SH2B1: variants seen among roughly 807,000 people sequenced by gnomAD.
SH2B1 encodes the protein SH2B adapter protein 1.
Under a neutral mutation model 62.6 loss-of-function variants are expected in SH2B1, and 15 were observed. That is an observed-to-expected ratio of 0.24 (90% confidence interval 0.16 to 0.37). The LOEUF is 0.37. SH2B1 is among the 10% of genes least tolerant of loss of function. The probability of loss-of-function intolerance (pLI) is 1.00; values close to 1 mark genes in which losing one functional copy is unlikely to be tolerated. For synonymous variants in SH2B1, 443 were observed against 438.0 expected (o/e 1.01, Z -0.14); for missense variants, 925 against 1,015.6 (o/e 0.91, Z 1.21).
At chr16:28,861,231 C>G (rs1398048568), upstream of SH2B1, among the ~76,000 whole-genome samples, 5 of 152,084 alleles carry the variant, frequency 3.3e-5, no homozygotes, top group African/African-American at 1.2e-4. Flanking sequence ...CTCCCAGATT[C>G]AAGTGATTCT....
In SH2B1 at chr16:28,864,015, A is replaced by G; in HGVS notation, c.-2080A>G. 7.4e-7 allele frequency: 1 copy of G among 1,348,226 alleles called. No individual in the cohort carries two copies. The highest frequency in any genetic ancestry group is 9.6e-7 in the Non-Finnish European group (1 of 1,045,610). 83.5% of individuals were successfully genotyped at this position (1,348,226 alleles called of 1,614,324 possible). Reference sequence around the variant, plus strand: ...CTCCGCGACCCGGCCCTGGCGCCCGAGAGGATTCCTGGGTGGGGGTGGGCG... The same window carrying G: ...CTCCGCGACCCGGCCCTGGCGCCCGGGAGGATTCCTGGGTGGGGGTGGGCG... On this transcript the variant is annotated 5_prime_UTR_variant, in exon 1 of 8. Coordinates refer to ENST00000684370, the MANE Select transcript of SH2B1 (RefSeq NM_001387430.1).
intron 1 of SH2B1, among the ~76,000 whole-genome samples, chr16:28,856,345 A>C (rs976554203): frequency 7.3e-5 from 11 of 151,572 alleles, no homozygotes; most frequent in Non-Finnish European, 1.6e-4. Context: ...TTGTTGGAGG[A>C]TTTATTGAAT....
chr16:28,861,082 T>C (rs1196391867), upstream of SH2B1, among the ~76,000 whole-genome samples: 2 of 152,042 alleles, frequency 1.3e-5, no homozygotes, highest in African/African-American at 2.4e-5. Context: ...CCTCCCAAAG[T>C]GCTGGGATTG....
chr16:28,852,854 T>G (rs1232070163), intron 1 of SH2B1, among the ~76,000 whole-genome samples: 1 of 88,126 alleles, frequency 1.1e-5, no homozygotes, highest in Non-Finnish European at 2.0e-5. Flanking sequence ...ATATATATTT[T>G]TATATATATT....
chr16:28,864,481 G>A lies in SH2B1; in HGVS notation c.-1614G>A, dbSNP rs1052550956. On this transcript the variant is annotated 5_prime_UTR_variant, in exon 1 of 8. Transcript: ENST00000684370. ...GTGCTCCATGACTCCTGCATCTCCTGATTGTTTCTCGTTGGTTTGGAGTTG... is the reference window on the plus strand; with the variant it reads ...GTGCTCCATGACTCCTGCATCTCCTAATTGTTTCTCGTTGGTTTGGAGTTG... The A allele has an allele frequency of 3.2e-5, 32 of 985,828 alleles. No homozygotes were observed. In the African/African-American group the frequency reaches 4.9e-4, roughly 15 times the overall value. 61.1% of individuals were successfully genotyped at this position (985,828 alleles called of 1,614,324 possible).
In SH2B1 at chr16:28,869,221, A is replaced by T. The variant is rs756968357; in HGVS notation, c.1147A>T (p.Thr383Ser). 2 of 1,613,974 alleles carry T rather than the reference A, an allele frequency of 1.2e-6. No individual in the cohort carries two copies. Among genetic ancestry groups the T allele is most frequent in the Non-Finnish European group, 1.7e-6 (2 of 1,179,934 alleles). ...ECLSPGPCPA[T>S]SPRPMTLPLA... ...CTGTCTCTGCAGACCCTGCCCTGCT[A>T]CCAGTCCCCGCCCCATGACCCTCCC... Residue 383 changes from threonine to serine, a missense_variant, in exon 4 of 8, where the codon ACC becomes TCC. Thr to Ser is a moderately conservative substitution (Grantham distance 58). Around this residue, in one of 3 missense-constraint regions of SH2B1, gnomAD observed 683 missense variants for 704.0 expected, o/e 0.97. Transcript: ENST00000684370.
upstream of SH2B1, chr16:28,863,653 T>C: frequency 6.5e-7 from 1 of 1,530,720 alleles, no homozygotes; most frequent in Non-Finnish European, 8.8e-7. Context: ...CCGCTGCGTC[T>C]GTGGTCGCTT....
rs1388762495 is a variant in SH2B1 at position 28,851,192 on chromosome 16, C to A, written c.-301+4365C>A. Reference sequence around the variant, plus strand: ...TGTCTCAAAAAGAAAAAAAAAAAAACCAACCTATCCAAAACAGGACTCTCC... The same window carrying A: ...TGTCTCAAAAAGAAAAAAAAAAAAAACAACCTATCCAAAACAGGACTCTCC... On this transcript the variant is annotated intron_variant, in intron 1 of 10. Coordinates refer to the SH2B1 transcript ENST00000322610. 2.4e-3 allele frequency among the ~76,000 whole-genome samples: 294 copies of A among 123,112 alleles called. 6 individuals carry two copies. Among genetic ancestry groups the A allele is most frequent in the South Asian group, 0.017 (72 of 4,172 alleles). The allele number at this position is 123,112 out of a possible 152,430, so 80.8% of individuals were successfully genotyped here.
chr16:28,857,099 G>A (rs145565496), intron 1 of SH2B1, among the ~76,000 whole-genome samples: 2,876 of 152,082 alleles, frequency 0.019, 91 homozygotes, highest in African/African-American at 0.064. Flanking sequence ...CCTGGCCAAC[G>A]TGGTGGAACC....
Position 28,863,867 on chromosome 16 carries a change from T to G in SH2B1, c.-2228T>G, listed in dbSNP as rs1304793865. 3.9e-6 allele frequency: 6 copies of G among 1,522,576 alleles called. No homozygotes were observed. The highest frequency in any genetic ancestry group is 5.3e-6 in the Non-Finnish European group (6 of 1,140,612). The allele number at this position is 1,522,576 out of a possible 1,614,324, so 94.3% of individuals were successfully genotyped here. A position where few individuals can be genotyped will look rare whatever the true frequency, so the allele number is the denominator to read the frequency against. ...GGAACCGGGCTGGGCGCTCGTCGCG[T>G]AGTGGGTGGGGGCGCAGGGAGCGGG... On this transcript the variant is annotated 5_prime_UTR_variant, in exon 1 of 8. Transcript: ENST00000684370.
At chr16:28,848,668 C>CTTTTT (rs745489496) in intron 1 of SH2B1, among the ~76,000 whole-genome samples, 5 of 109,256 alleles carry the variant, frequency 4.6e-5, no homozygotes, top group African/African-American at 8.3e-5. Context: ...CCGCACTGTC[C>CTTTTT]TTTTTTTTTT....
rs1355443050 is a variant in SH2B1, at chr16:28,852,780, A to G, written c.-301+5953A>G. On this transcript the variant is annotated intron_variant, in intron 1 of 10. Coordinates refer to the SH2B1 transcript ENST00000322610. Reference sequence around the variant, plus strand: ...TATGTATATATATATTTATATATATATTTACATATATATTTACATATATAT... The same window carrying G: ...TATGTATATATATATTTATATATATGTTTACATATATATTTACATATATAT... Among the ~76,000 whole-genome samples, 32 of 73,948 alleles carry G rather than the reference A, an allele frequency of 4.3e-4. 5 individuals carry two copies. Among genetic ancestry groups the G allele is most frequent in the African/African-American group, 5.1e-5 (1 of 19,642 alleles). The allele number at this position is 73,948 out of a possible 152,430, so 48.5% of individuals were successfully genotyped here.
intron 1 of SH2B1, among the ~76,000 whole-genome samples, chr16:28,851,089 G>A (rs1049292659): frequency 2.0e-5 from 3 of 149,538 alleles, no homozygotes; most frequent in African/African-American, 7.4e-5. Flanking sequence ...TGGGAGACTC[G>A]CTCGAACCTG....
chr16:28,867,273 G>T (rs1234745253), intron 1 of SH2B1, 58 bp from the exon 2 acceptor site: 1 of 1,386,452 alleles, frequency 7.2e-7, no homozygotes, highest in Admixed American at 1.7e-5. Context: ...TCTGGAGGGA[G>T]GGGAAGAGTG....
chr16:28,865,827 G>A lies in SH2B1; in HGVS notation c.-268G>A. 1 of 1,255,306 alleles carries A rather than the reference G, an allele frequency of 8.0e-7. No individual in the cohort carries two copies. The allele number at this position is 1,255,306 out of a possible 1,614,324, so 77.8% of individuals were successfully genotyped here. On this transcript the variant is annotated 5_prime_UTR_variant, in exon 1 of 8. Coordinates refer to ENST00000684370, the MANE Select transcript of SH2B1 (RefSeq NM_001387430.1). ...CTCGGGGCAGGTTAGACGCTGGGGA[G>A]CCAGTTGGCTGGGGCCTGCAGGGTG... is the stretch of plus-strand genomic sequence containing the variant.
intron 4 of SH2B1, 120 bp downstream of exon 4, chr16:28,869,503 T>C: frequency 1.2e-6 from 1 of 853,182 alleles, no homozygotes; most frequent in Non-Finnish European, 1.8e-6. Flanking sequence ...CCAGATGCCC[T>C]ACCCCAACCC....
At chr16:28,863,580 A>C, upstream of SH2B1, 3 of 1,170,146 alleles carry the variant, frequency 2.6e-6, no homozygotes, top group Non-Finnish European at 2.4e-6. Context: ...TCTATGGTCG[A>C]CATCGCCCCT....
At position 28,873,253 on chromosome 16, in the gene SH2B1, G is replaced by T. The variant is rs371918189; in HGVS notation, c.1898-194G>T. The T allele has an allele frequency of 6.2e-7, 1 of 1,607,822 alleles. No homozygotes were observed. ...TGCCTCCTGCACCCTCATGCCCTTC[G>T]GAGCGAGTGACTGTGTGTAAGTGTG... On this transcript the variant is annotated intron_variant, in intron 7 of 7. Transcript: ENST00000684370. The surrounding 1 kb of genome is among the most constrained non-coding windows in gnomAD (Gnocchi z 4.2).
At chr16:28,854,107 T>C (rs1054215164) in intron 1 of SH2B1, among the ~76,000 whole-genome samples, 10 of 147,748 alleles carry the variant, frequency 6.8e-5, no homozygotes. Context: ...GCCTGGGCAA[T>C]GTAGTGAGAC....
Sources: gnomAD v4.1 joint callset for allele counts (sites outside exome capture counted in the v4.1 genomes callset) on GRCh38, gnomAD v4.1.1 for gene constraint, gnomAD v4.1.1 regional missense constraint, Gnocchi (gnomAD v3.1) non-coding constraint, MANE v1.5 for transcripts, NCBI Gene and HGNC (gene_info 2026-07-23, HGNC 2026-07-21) for gene names.